The following GPC6 variants were observed in gnomAD, a reference collection of about 807,000 sequenced individuals.
GPC6 encodes glypican 6.
GPC6 carries 14 observed loss-of-function variants against 55.2 expected under a neutral mutation model. The ratio of observed to expected loss-of-function variants is 0.25; its 90% CI spans 0.17 to 0.40. The LOEUF (loss-of-function observed/expected upper bound fraction) is 0.40. Among genes scored for constraint, GPC6 ranks in the 10% least tolerant of loss-of-function variants. GPC6 has a pLI of 1.00. For synonymous variants in GPC6, 278 were observed against 259.6 expected (o/e 1.07, Z -0.68); for missense variants, 641 against 708.5 (o/e 0.90, Z 1.08).
At chr13:93,335,700 A>G (rs1880021112) in intron 1 of GPC6, among the ~76,000 whole-genome samples, 1 of 152,172 alleles carries the variant, frequency 6.6e-6, no homozygotes, top group African/African-American at 2.4e-5. Context: ...GCCTCTGTCT[A>G]GTATTATACC....
intron 2 of GPC6, among the ~76,000 whole-genome samples, chr13:93,798,916 C>G (rs866616830): frequency 1.1e-4 from 6 of 52,910 alleles, no homozygotes; most frequent in African/African-American, 2.2e-4. Flanking sequence ...AAGACTCTGT[C>G]TCAAAAAAAA....
chr13:94,044,639 C>T (rs1883659850), intron 4 of GPC6, among the ~76,000 whole-genome samples: 1 of 151,790 alleles, frequency 6.6e-6, no homozygotes, highest in Admixed American at 6.6e-5. Flanking sequence ...AGAACAGATT[C>T]CTAGAATTGG....
intron 3 of GPC6, among the ~76,000 whole-genome samples, chr13:93,988,307 C>T (rs1263951409): frequency 6.6e-6 from 1 of 152,122 alleles, no homozygotes; most frequent in Non-Finnish European, 1.5e-5. Context: ...AATCTGCCTC[C>T]TCCTTCTTCA....
chr13:93,225,130 T>G (rs1409880003), upstream of GPC6, among the ~76,000 whole-genome samples: 1 of 152,188 alleles, frequency 6.6e-6, no homozygotes, highest in Non-Finnish European at 1.5e-5. Flanking sequence ...TGAGTCAGGG[T>G]AAATTACAAT....
intron 1 of GPC6, among the ~76,000 whole-genome samples, chr13:93,507,692 T>C (rs985871584): frequency 2.0e-5 from 3 of 152,204 alleles, no homozygotes; most frequent in African/African-American, 7.2e-5. Context: ...CAGTAGGGTA[T>C]AAAAAATTCT....
intron 3 of GPC6, among the ~76,000 whole-genome samples, chr13:93,879,587 G>GT (rs1321422139): frequency 2.6e-5 from 4 of 150,988 alleles, no homozygotes; most frequent in African/African-American, 9.7e-5. Flanking sequence ...AGACTTAAAC[G>GT]TTAGACCTAA....
chr13:93,834,064 T>C (rs1887639775), intron 3 of GPC6, among the ~76,000 whole-genome samples: 1 of 152,194 alleles, frequency 6.6e-6, no homozygotes, highest in Non-Finnish European at 1.5e-5. Flanking sequence ...TATCAATTTA[T>C]ATGCTCACTT....
intron 1 of GPC6, among the ~76,000 whole-genome samples, chr13:93,415,202 G>A (rs1241224687): frequency 6.6e-6 from 1 of 151,982 alleles, no homozygotes; most frequent in Non-Finnish European, 1.5e-5. Context: ...TTAGTTCATG[G>A]GATTGTTCTG....
chr13:94,150,763 A>G (rs1887708191), intron 4 of GPC6, among the ~76,000 whole-genome samples: 1 of 149,448 alleles, frequency 6.7e-6, no homozygotes, highest in African/African-American at 2.5e-5. Context: ...ATCTAAGTTG[A>G]AACACAAAGA....
chr13:93,863,255 C>T (rs1033900004), intron 3 of GPC6, among the ~76,000 whole-genome samples: 7 of 151,648 alleles, frequency 4.6e-5, no homozygotes, highest in African/African-American at 1.7e-4. Flanking sequence ...AACACAGTCA[C>T]ACTTATTTAT....
chr13:93,827,032 G>A (rs1298225694), intron 2 of GPC6, among the ~76,000 whole-genome samples: 1 of 152,112 alleles, frequency 6.6e-6, no homozygotes, highest in Non-Finnish European at 1.5e-5. Context: ...CACCTATGAA[G>A]CGTAACTGAG....
chr13:93,393,293 C>T (rs867923608), intron 1 of GPC6, among the ~76,000 whole-genome samples: 30 of 151,710 alleles, frequency 2.0e-4, no homozygotes, highest in African/African-American at 6.1e-4. Context: ...CGCCCACCAC[C>T]ACACCCAGCT....
At chr13:94,109,815 G>A (rs1367038261) in intron 4 of GPC6, among the ~76,000 whole-genome samples, 1 of 152,012 alleles carries the variant, frequency 6.6e-6, no homozygotes. Flanking sequence ...TTATAAGGCT[G>A]CCCAGATCTC....
chr13:94,324,837 C>T (rs992977742), intron 6 of GPC6, among the ~76,000 whole-genome samples: 4 of 152,004 alleles, frequency 2.6e-5, no homozygotes, highest in Admixed American at 6.6e-5. Context: ...AATAAGGATA[C>T]GCCACGTTTG....
At chr13:93,955,605 A>G (rs1293108807) in intron 3 of GPC6, among the ~76,000 whole-genome samples, 1 of 152,240 alleles carries the variant, frequency 6.6e-6, no homozygotes, top group South Asian at 2.1e-4. Flanking sequence ...CGAGCAGAAG[A>G]TGATTATGGG....
chr13:94,110,242 C>A (rs1401493389), intron 4 of GPC6, among the ~76,000 whole-genome samples: 2 of 151,704 alleles, frequency 1.3e-5, no homozygotes, highest in Non-Finnish European at 2.9e-5. Flanking sequence ...AATGTGAAAT[C>A]ATTGTCAAGG....
intron 4 of GPC6, among the ~76,000 whole-genome samples, chr13:94,167,769 G>T (rs1888416498): frequency 6.6e-6 from 1 of 152,090 alleles, no homozygotes; most frequent in Non-Finnish European, 1.5e-5. Context: ...AGAGGAAGAG[G>T]AAGGTAACAG....
chr13:93,794,300 A>T (rs928593782), intron 2 of GPC6, among the ~76,000 whole-genome samples: 3 of 152,238 alleles, frequency 2.0e-5, no homozygotes, highest in African/African-American at 4.8e-5. Context: ...TTCTCTAAGC[A>T]TCACCTGGGA....
chr13:94,278,769 C>T (rs1370370828), intron 4 of GPC6, among the ~76,000 whole-genome samples: 1 of 152,222 alleles, frequency 6.6e-6, no homozygotes, highest in Non-Finnish European at 1.5e-5. Context: ...GCCAGCCTTG[C>T]ATCCCAGGGA....
Sources: allele counts gnomAD v4.1 joint callset (sites outside exome capture counted in the v4.1 genomes callset), GRCh38; gene constraint gnomAD v4.1.1; transcripts MANE v1.5; gene names NCBI Gene and HGNC (gene_info 2026-07-23, HGNC 2026-07-21).